Variants in AGBL4 observed in about 807,000 individuals in gnomAD.
AGBL4 encodes AGBL carboxypeptidase 4.
A neutral mutation model predicts 66.4 loss-of-function variants in AGBL4; 58 were observed. The observed-to-expected ratio is 0.87, with a 90% CI of 0.71 to 1.09. The LOEUF (loss-of-function observed/expected upper bound fraction) is 1.09. AGBL4 is among the 50% of genes least tolerant of loss of function. The pLI is 0.00. For synonymous variants in AGBL4, 234 were observed against 222.9 expected (o/e 1.05, Z -0.44); for missense variants, 579 against 631.0 (o/e 0.92, Z 0.88).
intron 3 of AGBL4, among the ~76,000 whole-genome samples, chr1:49,462,815 T>G (rs1214613654): frequency 3.4e-4 from 52 of 151,686 alleles, no homozygotes; most frequent in Non-Finnish European, 3.0e-5. Flanking sequence ...ATTTTTGTGC[T>G]GCTTTTCATG....
At chr1:49,206,191 G>C (rs550732381) in intron 4 of AGBL4, among the ~76,000 whole-genome samples, 69 of 152,184 alleles carry the variant, frequency 4.5e-4, no homozygotes, top group South Asian at 4.2e-4. Context: ...TATGTGTTTG[G>C]GGGAAGGAGA....
At chr1:49,626,544 T>G (rs547044829) in intron 3 of AGBL4, among the ~76,000 whole-genome samples, 1 of 152,274 alleles carries the variant, frequency 6.6e-6, no homozygotes, top group African/African-American at 2.4e-5. Flanking sequence ...GTCTATGCTG[T>G]TGAGAAAATA....
chr1:48,536,385 A>T (rs1004753166), intron 12 of AGBL4, among the ~76,000 whole-genome samples: 2 of 152,226 alleles, frequency 1.3e-5, no homozygotes, highest in Non-Finnish European at 2.9e-5. Context: ...AAGGTCTTGA[A>T]TAACAAGAAG....
chr1:50,021,235 C>T (rs575744600), intron 1 of AGBL4, among the ~76,000 whole-genome samples: 1 of 152,190 alleles, frequency 6.6e-6, no homozygotes, highest in Admixed American at 6.5e-5. Flanking sequence ...CCTTCTCAGT[C>T]TCTTTGGAAG....
chr1:48,922,151 A>C (rs938090162), intron 5 of AGBL4, among the ~76,000 whole-genome samples: 1 of 152,140 alleles, frequency 6.6e-6, no homozygotes. Flanking sequence ...AAATGAAGCC[A>C]AGGTGTCTGC....
At chr1:48,765,295 C>G (rs927065493) in intron 6 of AGBL4, among the ~76,000 whole-genome samples, 5 of 152,170 alleles carry the variant, frequency 3.3e-5, no homozygotes, top group Non-Finnish European at 7.3e-5. Flanking sequence ...AAACAGGCTA[C>G]ACCAATGAGT....
chr1:49,475,430 A>G (rs986454626), intron 3 of AGBL4, among the ~76,000 whole-genome samples: 2 of 151,942 alleles, frequency 1.3e-5, no homozygotes, highest in African/African-American at 4.8e-5. Context: ...TGGCACCAAG[A>G]TGATATTGAT....
intron 6 of AGBL4, among the ~76,000 whole-genome samples, chr1:48,827,092 C>A (rs1262172533): frequency 2.6e-5 from 4 of 152,164 alleles, no homozygotes; most frequent in Non-Finnish European, 1.5e-5. Context: ...TTTGAAATTA[C>A]CCCTGATTTC....
At chr1:49,604,663 T>A (rs750042093) in intron 3 of AGBL4, among the ~76,000 whole-genome samples, 3 of 152,252 alleles carry the variant, frequency 2.0e-5, no homozygotes, top group Non-Finnish European at 2.9e-5. Flanking sequence ...TGTCCAACAA[T>A]ACAAAATATA....
chr1:48,564,683 T>C lies in AGBL4; in HGVS notation c.1267+22321A>G, dbSNP rs372947490. ...TTCATAATGTAAATATGTGCAATGATAAGTATGAAACAATAGAGGGAGCAG... is the reference window on the plus strand; with the variant it reads ...TTCATAATGTAAATATGTGCAATGACAAGTATGAAACAATAGAGGGAGCAG... On this transcript the variant is annotated intron_variant, in intron 11 of 13. Transcript: ENST00000371839. 1.8e-4 allele frequency among the ~76,000 whole-genome samples: 27 copies of C among 152,332 alleles called. No homozygotes were observed. The East Asian group carries it at 1.9e-3, about 11-fold the overall frequency.
intron 3 of AGBL4, among the ~76,000 whole-genome samples, chr1:49,473,514 G>A (rs1157318474): frequency 6.6e-6 from 1 of 151,868 alleles, no homozygotes; most frequent in African/African-American, 2.4e-5. Flanking sequence ...GTTGATTTAA[G>A]TTCCTTATAG....
chr1:48,759,633 C>T (rs1644147924), intron 6 of AGBL4, among the ~76,000 whole-genome samples: 1 of 152,194 alleles, frequency 6.6e-6, no homozygotes, highest in Non-Finnish European at 1.5e-5. Flanking sequence ...AATGCCTAGG[C>T]AGTGGCTTGC....
intron 4 of AGBL4, among the ~76,000 whole-genome samples, chr1:49,102,947 G>C (rs1645230174): frequency 6.6e-6 from 1 of 152,180 alleles, no homozygotes. Context: ...TCTAGGCCTA[G>C]GGTCCTGTCC....
At chr1:49,826,935 G>A (rs1387126448) in intron 2 of AGBL4, among the ~76,000 whole-genome samples, 1 of 152,110 alleles carries the variant, frequency 6.6e-6, no homozygotes, top group Non-Finnish European at 1.5e-5. Context: ...ATAGGAGAAA[G>A]TAAGTTTGGG....
At chr1:48,998,616 A>C (rs1251388754) in intron 5 of AGBL4, among the ~76,000 whole-genome samples, 1 of 152,146 alleles carries the variant, frequency 6.6e-6, no homozygotes, top group Non-Finnish European at 1.5e-5. Flanking sequence ...TCTTTCAATC[A>C]TCTAGAACCC....
intron 2 of AGBL4, among the ~76,000 whole-genome samples, chr1:49,830,414 C>A (rs571568932): frequency 6.6e-6 from 1 of 152,236 alleles, no homozygotes; most frequent in East Asian, 1.9e-4. Context: ...CAAATGTCTC[C>A]TTTTAAGAGG....
Position 49,448,968 on chromosome 1 carries a change from A to C in AGBL4, c.283-203104T>G, listed in dbSNP as rs185339871. On this transcript the variant is annotated intron_variant, in intron 3 of 13. Transcript: ENST00000371839. ...ATTAATACAAGTATATATGAAACTGATAACTATTTACAATGAGTTATTAAT... is the reference window on the plus strand; with the variant it reads ...ATTAATACAAGTATATATGAAACTGCTAACTATTTACAATGAGTTATTAAT... 1.6e-3 allele frequency among the ~76,000 whole-genome samples: 240 copies of C among 152,150 alleles called. 2 individuals carry two copies. Among genetic ancestry groups the C allele is most frequent in the African/African-American group, 4.9e-3 (204 of 41,526 alleles).
chr1:49,272,984 T>C (rs1300244265), intron 3 of AGBL4, among the ~76,000 whole-genome samples: 2 of 152,236 alleles, frequency 1.3e-5, no homozygotes. Context: ...CTGTCTCTAC[T>C]AGATGTTTTA....
At chr1:49,890,905 G>T (rs1042337708) in intron 1 of AGBL4, among the ~76,000 whole-genome samples, 1 of 152,098 alleles carries the variant, frequency 6.6e-6, no homozygotes, top group Admixed American at 6.6e-5. Flanking sequence ...ATTAAATTTG[G>T]GGTTCATCTG....
Sources: allele counts gnomAD v4.1 joint callset (sites outside exome capture counted in the v4.1 genomes callset), GRCh38; gene constraint gnomAD v4.1.1; transcripts MANE v1.5; gene names NCBI Gene and HGNC (gene_info 2026-07-23, HGNC 2026-07-21).